PARD3: variants seen among roughly 807,000 people sequenced by gnomAD.
PARD3 encodes the protein par-3 family cell polarity regulator.
PARD3 carries 75 observed loss-of-function variants against 155.4 expected under a neutral mutation model. The ratio of observed to expected loss-of-function variants is 0.48; its 90% CI spans 0.40 to 0.58. The LOEUF (loss-of-function observed/expected upper bound fraction) is 0.58. PARD3 is among the 20% of genes least tolerant of loss of function. The probability of loss-of-function intolerance (pLI) is 0.00; values close to 1 mark genes in which losing one functional copy is unlikely to be tolerated. For missense variants in PARD3, 1,642 were observed against 1,721.7 expected (o/e 0.95, Z 0.82); for synonymous variants, 576 against 610.5 (o/e 0.94, Z 0.83).
At chr10:34,763,652 C>G (rs1042494056) in intron 1 of PARD3, among the ~76,000 whole-genome samples, 1 of 152,144 alleles carries the variant, frequency 6.6e-6, no homozygotes, top group Non-Finnish European at 1.5e-5. Flanking sequence ...ATCTCATTTA[C>G]AGCCCATTTC....
intron 2 of PARD3, among the ~76,000 whole-genome samples, chr10:34,558,783 C>A (rs912193093): frequency 6.6e-6 from 1 of 152,124 alleles, no homozygotes; most frequent in African/African-American, 2.4e-5. Flanking sequence ...CCCGTCTCCA[C>A]TAAAAATACA....
At chr10:34,624,204 C>A (rs2091863310) in intron 2 of PARD3, among the ~76,000 whole-genome samples, 1 of 152,188 alleles carries the variant, frequency 6.6e-6, no homozygotes, top group Non-Finnish European at 1.5e-5. Context: ...ATATCTGTGA[C>A]CTTGTTCTAA....
intron 2 of PARD3, among the ~76,000 whole-genome samples, chr10:34,683,584 A>T (rs1490958042): frequency 6.6e-6 from 1 of 150,654 alleles, no homozygotes; most frequent in Non-Finnish European, 1.5e-5. Flanking sequence ...AGCGCGGCAC[A>T]CCAAGTTATT....
At chr10:34,133,762 G>A (rs1947740205) in intron 22 of PARD3, among the ~76,000 whole-genome samples, 1 of 152,146 alleles carries the variant, frequency 6.6e-6, no homozygotes, top group African/African-American at 2.4e-5. Flanking sequence ...AAAGGTTTAA[G>A]CATCTAAAAT....
intron 2 of PARD3, among the ~76,000 whole-genome samples, chr10:34,540,962 T>G (rs2083567044): frequency 6.6e-6 from 1 of 152,196 alleles, no homozygotes; most frequent in African/African-American, 2.4e-5. Flanking sequence ...AGCTTAAGTA[T>G]ATAGTCACCA....
chr10:34,307,090 C>T (rs1054718489), intron 20 of PARD3, among the ~76,000 whole-genome samples: 1 of 152,036 alleles, frequency 6.6e-6, no homozygotes, highest in African/African-American at 2.4e-5. Flanking sequence ...CGGGGTTTCA[C>T]CATGTTAGCC....
intron 1 of PARD3, among the ~76,000 whole-genome samples, chr10:34,764,176 T>C (rs1028313072): frequency 1.3e-5 from 2 of 152,162 alleles, no homozygotes; most frequent in Admixed American, 6.5e-5. Context: ...AGAAACCCAA[T>C]AGAAATTTCT....
At chr10:34,662,689 T>C (rs2093352867) in intron 2 of PARD3, among the ~76,000 whole-genome samples, 1 of 152,048 alleles carries the variant, frequency 6.6e-6, no homozygotes, top group Non-Finnish European at 1.5e-5. Flanking sequence ...CTGGCCAACA[T>C]GGTGAAACCC....
chr10:34,152,068 G>A (rs573639448), intron 22 of PARD3, among the ~76,000 whole-genome samples: 20 of 152,138 alleles, frequency 1.3e-4, no homozygotes, highest in Non-Finnish European at 2.4e-4. Context: ...TCTTAGATCC[G>A]AGTTCTTGAA....
intron 1 of PARD3, among the ~76,000 whole-genome samples, chr10:34,774,490 C>G (rs570356534): frequency 1.3e-5 from 2 of 152,158 alleles, no homozygotes; most frequent in South Asian, 4.2e-4. Flanking sequence ...AGAAGAAACG[C>G]ATCTGGCCTG....
chr10:34,566,799 A>C (rs1247711966), intron 2 of PARD3, among the ~76,000 whole-genome samples: 1 of 152,232 alleles, frequency 6.6e-6, no homozygotes, highest in Non-Finnish European at 1.5e-5. Flanking sequence ...CATCAGGCCA[A>C]ATAAAGCACA....
intron 22 of PARD3, among the ~76,000 whole-genome samples, chr10:34,211,221 G>A (rs980358441): frequency 5.9e-5 from 9 of 152,150 alleles, no homozygotes; most frequent in African/African-American, 2.2e-4. Flanking sequence ...ATGTGGAGAT[G>A]TGTCTAGGGT....
chr10:34,628,065 T>C (rs986795941), intron 2 of PARD3, among the ~76,000 whole-genome samples: 11 of 152,180 alleles, frequency 7.2e-5, no homozygotes, highest in South Asian at 2.1e-4. Context: ...TGCACAGCCA[T>C]GATGAAGGAA....
intron 2 of PARD3, among the ~76,000 whole-genome samples, chr10:34,654,386 C>T (rs1319255252): frequency 6.6e-6 from 1 of 152,070 alleles, no homozygotes; most frequent in Admixed American, 6.5e-5. Context: ...AGTAACTTGC[C>T]CAAGGTCACA....
intron 16 of PARD3, among the ~76,000 whole-genome samples, chr10:34,341,297 AATTT>A (rs1344766167): frequency 2.6e-5 from 4 of 152,304 alleles, no homozygotes; most frequent in South Asian, 2.1e-4. Context: ...AGTTACCAAG[AATTT>A]ATTTAATTAA....
At chr10:34,588,328 A>G (rs943343002) in intron 2 of PARD3, among the ~76,000 whole-genome samples, 3 of 152,190 alleles carry the variant, frequency 2.0e-5, no homozygotes, top group African/African-American at 7.2e-5. Context: ...GGCCTCTGAC[A>G]GCTCTTCTTG....
chr10:34,233,069 G>T (rs957237975), intron 22 of PARD3, among the ~76,000 whole-genome samples: 9 of 135,908 alleles, frequency 6.6e-5, no homozygotes, highest in African/African-American at 2.3e-4. Context: ...CTGAACTGAG[G>T]AAACAATTTG....
intron 2 of PARD3, among the ~76,000 whole-genome samples, chr10:34,560,344 C>T (rs1275844158): frequency 6.6e-6 from 1 of 152,012 alleles, no homozygotes; most frequent in Non-Finnish European, 1.5e-5. Context: ...CACCGCCGTG[C>T]AGAAAAAGTT....
intron 5 of PARD3, among the ~76,000 whole-genome samples, chr10:34,449,147 G>A (rs2076919240): frequency 1.3e-5 from 2 of 151,764 alleles, no homozygotes; most frequent in African/African-American, 4.8e-5. Flanking sequence ...TCGATCTCCT[G>A]ACCTCGTGAT....
Sources: gnomAD v4.1 joint callset for allele counts (sites outside exome capture counted in the v4.1 genomes callset) on GRCh38, gnomAD v4.1.1 for gene constraint, MANE v1.5 for transcripts, NCBI Gene and HGNC (gene_info 2026-07-23, HGNC 2026-07-21) for gene names.